STUB1: variants seen among roughly 807,000 people sequenced by gnomAD.
The protein encoded by STUB1 is E3 ubiquitin-protein ligase CHIP.
STUB1 carries 37 observed loss-of-function variants against 40.3 expected under a neutral mutation model. The ratio of observed to expected loss-of-function variants is 0.92; its 90% CI spans 0.71 to 1.21. STUB1 has a LOEUF of 1.21. STUB1 is among the 50% of genes most tolerant of loss of function. STUB1 has a pLI of 0.00. For synonymous variants in STUB1, 246 were observed against 171.9 expected, an observed-to-expected ratio of 1.43 and a Z score of -3.37; for missense variants, 460 against 421.9, an observed-to-expected ratio of 1.09 and a Z score of -0.79.
In STUB1 at chr16:681,289, C is replaced by G; in HGVS notation, c.297C>G (p.Phe99Leu). ...GGCAGTCTGTGAAGGCGCACTTCTTCCTGGGGCAGTGCCAGCTGGAGATGG... is the reference window on the plus strand; with the variant it reads ...GGCAGTCTGTGAAGGCGCACTTCTTGCTGGGGCAGTGCCAGCTGGAGATGG... Reference protein sequence around the residue: ...LDGQSVKAHFFLGQCQLEMES... With the variant: ...LDGQSVKAHFLLGQCQLEMES... Residue 99 changes from phenylalanine (F) to leucine (L), a missense_variant, in exon 2 of 7, where the codon TTC (phenylalanine) becomes TTG (leucine). Transcript: ENST00000219548. 6.2e-7 allele frequency: 1 copy of G among 1,612,898 alleles called. No individual in the cohort carries two copies. The highest frequency in any genetic ancestry group is 8.5e-7 in the Non-Finnish European group (1 of 1,179,994).
rs2039639352 is a variant in STUB1 at position 680,870 on chromosome 16, G to A, written c.159+186G>A. The A allele has an allele frequency of 3.2e-6, 2 of 623,242 alleles. No individual in the cohort carries two copies. Among genetic ancestry groups the A allele is most frequent in the Non-Finnish European group, 4.9e-6 (2 of 407,776 alleles). The allele number at this position is 623,242 out of a possible 1,614,324, so 38.6% of individuals were successfully genotyped here. On this transcript the variant is annotated intron_variant, in intron 1 of 6. Transcript: ENST00000219548. This position sits in a 1 kb window ranked among gnomAD's most constrained non-coding sequence, Gnocchi z 4.9. ...GAGGGTGCGATGCTGGATGGAGGCC[G>A]GCCGGGTGGGGGGAGGGCAGGGGCC...
In STUB1 at chr16:681,236, G is replaced by A. The variant is rs1197061561; in HGVS notation, c.244G>A (p.Asp82Asn). 6.2e-7 allele frequency: 1 copy of A among 1,612,176 alleles called. No individual in the cohort carries two copies. The highest frequency in any genetic ancestry group is 8.5e-7 in the Non-Finnish European group (1 of 1,179,710). Residue 82 changes from aspartate (D) to asparagine (N), a missense_variant, in exon 2 of 7, where the codon GAC becomes AAC. Asp to Asn is a conservative substitution (Grantham distance 23). Transcript: ENST00000219548. Reference protein sequence around the residue: ...KMQQHEQALADCRRALELDGQ... With the variant: ...KMQQHEQALANCRRALELDGQ... ...GCAGCAGCACGAGCAGGCCCTGGCC[G>A]ACTGCCGGCGCGCCCTGGAGCTGGA...
chr16:681,597 G>T lies in STUB1; in HGVS notation c.518G>T (p.Arg173Leu), dbSNP rs755346712. 3.1e-6 allele frequency: 5 copies of T among 1,607,192 alleles called. No individual in the cohort carries two copies. Among genetic ancestry groups the T allele is most frequent in the Non-Finnish European group, 4.2e-6 (5 of 1,177,122 alleles). ...SYLSRLIAAE[R>L]ERELEECQRN... ...CTCTCCAGGCTCATTGCCGCGGAGCGTGAGAGGTGGGACCCTCACCCCAGG... is the reference window on the plus strand; with the variant it reads ...CTCTCCAGGCTCATTGCCGCGGAGCTTGAGAGGTGGGACCCTCACCCCAGG... The change falls in exon 3 of 7, where the codon CGT becomes CTT. Residue 173 changes from arginine (R) to leucine (L), a missense_variant. Arg to Leu is a moderately radical substitution (Grantham distance 102). Transcript: ENST00000219548.
chr16:681,985 T>TG, intron 4 of STUB1, 35 bp from the exon 5 acceptor site: 1 of 1,611,850 alleles, frequency 6.2e-7, no homozygotes, highest in Non-Finnish European at 8.5e-7. Context: ...GGAGGTGGGG[T>TG]GTCTCCCCCA....
rs756840635 is a variant in STUB1, at chr16:682,429, G to A, written c.852G>A (p.Leu284=). Residue 284 remains leucine, a synonymous_variant, in exon 7 of 7, where the codon TTG becomes TTA. Transcript: ENST00000219548. Reference sequence around the variant, plus strand: ...CCCAGGAACAGCTCATCCCCAACTTGGCTATGAAGGAGGTTATTGACGCAT... The same window carrying A: ...CCCAGGAACAGCTCATCCCCAACTTAGCTATGAAGGAGGTTATTGACGCAT... ...PLTQEQLIPN[L]AMKEVIDAFI... The A allele has an allele frequency of 1.9e-6, 3 of 1,613,462 alleles. No homozygotes were observed. The highest frequency in any genetic ancestry group is 2.5e-6 in the Non-Finnish European group (3 of 1,180,008).
Position 680,621 on chromosome 16 carries a change from G to A in STUB1, c.96G>A (p.Gln32=). The A allele has an allele frequency of 7.2e-7, 1 of 1,398,470 alleles. No homozygotes were observed. The highest frequency in any genetic ancestry group is 3.0e-5 in the East Asian group (1 of 33,518). 86.6% of individuals were successfully genotyped at this position (1,398,470 alleles called of 1,614,324 possible). The change falls in exon 1 of 7, where the codon CAG becomes CAA. Residue 32 remains glutamine (Q), a synonymous_variant. Transcript: ENST00000219548. This position sits in a 1 kb window ranked among gnomAD's most constrained non-coding sequence, Gnocchi z 4.9. ...KSPSAQELKE[Q]GNRLFVGRKY... ...CGAGCGCGCAGGAGCTCAAGGAGCA[G>A]GGCAATCGTCTGTTCGTGGGCCGAA... is the stretch of plus-strand genomic sequence containing the variant.
Position 680,946 on chromosome 16 carries a change from G to A in STUB1, c.160-206G>A. On this transcript the variant is annotated intron_variant, in intron 1 of 6. Coordinates refer to ENST00000219548, the MANE Select transcript of STUB1 (RefSeq NM_005861.4). This position sits in a 1 kb window ranked among gnomAD's most constrained non-coding sequence, Gnocchi z 4.9. The stretch of plus-strand genomic sequence containing the variant: ...TAAGCCCGGACTCTCCAAAGATTTG[G>A]AAAACTTTACAAAACCAAGTGGAAT... 1 of 700,140 alleles carries A rather than the reference G, an allele frequency of 1.4e-6. No individual in the cohort carries two copies. The highest frequency in any genetic ancestry group is 2.3e-6 in the Non-Finnish European group (1 of 436,618). 43.4% of individuals were successfully genotyped at this position (700,140 alleles called of 1,614,324 possible).
In STUB1 at chr16:682,080, AGT is replaced by A. The variant is rs1319513645; in HGVS notation, c.669+11_669+12del. 2.5e-6 allele frequency: 4 copies of A among 1,582,032 alleles called. No individual in the cohort carries two copies. The highest frequency in any genetic ancestry group is 1.1e-5 in the South Asian group (1 of 87,522). ...TCAGGTGGATGAGAAGAGGAAGGTG[AGT>A]GTGTGTCGCTTGCTGCCGATGGCTG... On this transcript the variant is annotated splice_donor_5th_base_variant and intron_variant, in intron 5 of 6. Transcript: ENST00000219548.
chr16:680,938 A>G lies in STUB1; in HGVS notation c.160-214A>G, dbSNP rs2039640772. 2.9e-6 allele frequency: 2 copies of G among 688,550 alleles called. No individual in the cohort carries two copies. The highest frequency in any genetic ancestry group is 4.1e-5 in the South Asian group (2 of 48,914). The allele number at this position is 688,550 out of a possible 1,614,324, so 42.7% of individuals were successfully genotyped here. A position where few individuals can be genotyped will look rare whatever the true frequency, so the allele number is the denominator to read the frequency against. ...CCAGGTCCTAAGCCCGGACTCTCCA[A>G]AGATTTGGAAAACTTTACAAAACCA... On this transcript the variant is annotated intron_variant, in intron 1 of 6. Transcript: ENST00000219548. The surrounding 1 kb of genome is among the most constrained non-coding windows in gnomAD (Gnocchi z 4.9).
In STUB1 at chr16:682,555, CAT is replaced by C; in HGVS notation, c.*68_*69del. The C allele has an allele frequency of 6.2e-7, 1 of 1,600,432 alleles. No individual in the cohort carries two copies. The highest frequency in any genetic ancestry group is 8.5e-7 in the Non-Finnish European group (1 of 1,172,214). On this transcript the variant is annotated 3_prime_UTR_variant, in exon 7 of 7. Transcript: ENST00000219548. ...TGGGCAGAAGCCCCCGGCCCCTATA[CAT>C]AGTTTATGTTCCTGGCCACCCCGAC...
At position 680,594 on chromosome 16, in the gene STUB1, C is replaced by A; in HGVS notation, c.69C>A (p.Ser23Arg). 2 of 1,405,368 alleles carry A rather than the reference C, an allele frequency of 1.4e-6. No individual in the cohort carries two copies. Among genetic ancestry groups the A allele is most frequent in the Admixed American group, 2.7e-5 (1 of 37,710 alleles). 87.1% of individuals were successfully genotyped at this position (1,405,368 alleles called of 1,614,324 possible). ...CTGGCGGCGGAAGCCCCGAGAAGAGCCCGAGCGCGCAGGAGCTCAAGGAGC... is the reference window on the plus strand; with the variant it reads ...CTGGCGGCGGAAGCCCCGAGAAGAGACCGAGCGCGCAGGAGCTCAAGGAGC... ...LGAGGGSPEK[S>R]PSAQELKEQG... Residue 23 changes from serine to arginine, a missense_variant, in exon 1 of 7, where the codon AGC becomes AGA. Physicochemically the swap from Ser to Arg is moderately radical, Grantham distance 110 (BLOSUM62 -1). Coordinates refer to ENST00000219548, the MANE Select transcript of STUB1 (RefSeq NM_005861.4). This position sits in a 1 kb window ranked among gnomAD's most constrained non-coding sequence, Gnocchi z 4.9.
rs1394886697 is a variant in STUB1 at position 682,442 on chromosome 16, G to A, written c.865G>A (p.Val289Ile). 3.1e-6 allele frequency: 5 copies of A among 1,613,374 alleles called. No individual in the cohort carries two copies. Among genetic ancestry groups the A allele is most frequent in the African/African-American group, 1.3e-5 (1 of 74,936 alleles). Residue 289 changes from valine to isoleucine, a missense_variant, in exon 7 of 7, where the codon GTT (valine) becomes ATT (isoleucine). By Grantham distance (29) the Val-to-Ile change is conservative. Coordinates refer to ENST00000219548, the MANE Select transcript of STUB1 (RefSeq NM_005861.4). ...CATCCCCAACTTGGCTATGAAGGAGGTTATTGACGCATTCATCTCTGAGAA... is the reference window on the plus strand; with the variant it reads ...CATCCCCAACTTGGCTATGAAGGAGATTATTGACGCATTCATCTCTGAGAA... ...QLIPNLAMKE[V>I]IDAFISENGW...
rs1204705762 is a variant in STUB1, at chr16:681,463, G to C, written c.384G>C (p.Arg128=). ...QRAYSLAKEQ[R]LNFGDDIPSA... ...CTTACAGCCTGGCCAAGGAGCAGCG[G>C]CTGAACTTCGGGGACGACATCCCCA... The change falls in exon 3 of 7, where the codon CGG becomes CGC. Residue 128 remains arginine (R), a synonymous_variant. Coordinates refer to ENST00000219548, the MANE Select transcript of STUB1 (RefSeq NM_005861.4). The C allele has an allele frequency of 7.4e-6, 12 of 1,612,616 alleles. No homozygotes were observed. Among genetic ancestry groups the C allele is most frequent in the Non-Finnish European group, 1.0e-5 (12 of 1,179,794 alleles).
At chr16:681,372 T>G in intron 2 of STUB1, 22 bp downstream of exon 2, 1 of 1,611,954 alleles carries the variant, frequency 6.2e-7, no homozygotes. Context: ...AGCTGCCCGG[T>G]TGTGGGGCCT....
At chr16:681,734 G>A (rs141948106) in intron 3 of STUB1, 59 bp from the exon 4 acceptor site, 3 of 1,553,048 alleles carry the variant, frequency 1.9e-6, no homozygotes, top group Admixed American at 1.8e-5. Context: ...CTCTGAGATT[G>A]GGGTGTGGTC....
chr16:682,734 T>G lies in STUB1; in HGVS notation c.*245T>G. 6.3e-7 allele frequency: 1 copy of G among 1,577,308 alleles called. No homozygotes were observed. Among genetic ancestry groups the G allele is most frequent in the East Asian group, 2.3e-5 (1 of 44,266 alleles). ...TGCCGCCACTATCTGTGTAATAAAA[T>G]CCGTGAGCACGAGGTGGGACGTGCT... On this transcript the variant is annotated 3_prime_UTR_variant, in exon 7 of 7. Transcript: ENST00000219548.
Position 681,280 on chromosome 16 carries a change from G to T in STUB1, c.288G>T (p.Ala96=). Residue 96 remains alanine, a synonymous_variant, in exon 2 of 7, where the codon GCG becomes GCT. Coordinates refer to ENST00000219548, the MANE Select transcript of STUB1 (RefSeq NM_005861.4). ...ALELDGQSVK[A]HFFLGQCQLE... is the part of the protein sequence containing the mutation. ...AGCTGGACGGGCAGTCTGTGAAGGC[G>T]CACTTCTTCCTGGGGCAGTGCCAGC... The T allele has an allele frequency of 6.2e-7, 1 of 1,612,870 alleles. No individual in the cohort carries two copies. The highest frequency in any genetic ancestry group is 8.5e-7 in the Non-Finnish European group (1 of 1,179,984).
chr16:680,494 G>A lies in STUB1; in HGVS notation c.-32G>A. ...GCTGGGCCGCGAGGCGCGGAGCTTG[G>A]GAGCGGAGCCCAGGCCGTGCCGCGC... On this transcript the variant is annotated 5_prime_UTR_variant, in exon 1 of 7. Coordinates refer to ENST00000219548, the MANE Select transcript of STUB1 (RefSeq NM_005861.4). This position sits in a 1 kb window ranked among gnomAD's most constrained non-coding sequence, Gnocchi z 4.9. The A allele has an allele frequency of 5.8e-6, 7 of 1,200,306 alleles. No homozygotes were observed. The highest frequency in any genetic ancestry group is 7.3e-6 in the Non-Finnish European group (7 of 965,014). 74.4% of individuals were successfully genotyped at this position (1,200,306 alleles called of 1,614,324 possible).
Position 681,824 on chromosome 16 carries a change from G to C in STUB1, c.556G>C (p.Gly186Arg). 5.0e-6 allele frequency: 8 copies of C among 1,608,950 alleles called. No homozygotes were observed. The highest frequency in any genetic ancestry group is 6.8e-6 in the Non-Finnish European group (8 of 1,177,062). The change falls in exon 4 of 7, where the codon GGT (glycine) becomes CGT (arginine). Residue 186 changes from glycine to arginine, a missense_variant. Physicochemically the swap from Gly to Arg is moderately radical, Grantham distance 125. Transcript: ENST00000219548. The part of the protein sequence containing the change: ...ELEECQRNHE[G>R]DEDDSHVRAQ... ...GGAAGAGTGCCAGCGAAACCACGAG[G>C]GTGATGAGGACGACAGCCACGTCCG...
Sources: gnomAD v4.1 joint callset for allele counts on GRCh38, gnomAD v4.1.1 for gene constraint, Gnocchi (gnomAD v3.1) non-coding constraint, MANE v1.5 for transcripts, NCBI Gene and HGNC (gene_info 2026-07-23, HGNC 2026-07-21) for gene names.